The following PMS2 variants were observed in gnomAD, a reference collection of about 807,000 sequenced individuals.
PMS2 encodes PMS1 homolog 2, mismatch repair system component.
PMS2 carries 69 observed loss-of-function variants against 90.0 expected under a neutral mutation model. The ratio of observed to expected loss-of-function variants is 0.77; its 90% CI spans 0.63 to 0.94. The LOEUF is 0.94. Among genes scored for constraint, PMS2 ranks in the 40% least tolerant of loss-of-function variants. PMS2 has a pLI of 0.00. For missense variants in PMS2, 966 were observed against 1,040.2 expected (o/e 0.93, Z 0.98); for synonymous variants, 332 against 375.1 (o/e 0.89, Z 1.33).
intron 12 of PMS2, among the ~76,000 whole-genome samples, chr7:5,982,142 A>C (rs901495367): frequency 6.6e-6 from 1 of 151,570 alleles, no homozygotes; most frequent in African/African-American, 2.4e-5. Context: ...CAGTCTCCTG[A>C]GTAGCTGGAA....
chr7:6,006,385 C>G (rs921181229), intron 1 of PMS2, among the ~76,000 whole-genome samples: 1 of 152,174 alleles, frequency 6.6e-6, no homozygotes, highest in Non-Finnish European at 1.5e-5. Flanking sequence ...GCTGTGGTGG[C>G]TCATGCCTGT....
In PMS2 at chr7:5,978,858, G is replaced by A. The variant is rs180919098; in HGVS notation, c.2175-162C>T. On this transcript the variant is annotated intron_variant, in intron 12 of 14. Transcript: ENST00000265849. The stretch of plus-strand genomic sequence containing the variant: ...TAAGTGTCACAAAACTTCCTGAGAA[G>A]TTCCTTTTAATTTTCTCTTTCTTAA... Among the ~76,000 whole-genome samples the A allele has an allele frequency of 2.7e-5, 4 of 149,414 alleles. 1 individual carries two copies. Among genetic ancestry groups the A allele is most frequent in the Non-Finnish European group, 5.9e-5 (4 of 67,584 alleles).
rs779104357 is a variant in PMS2 at position 6,008,991 on chromosome 7, G to A, written c.23+6C>T. Reference sequence around the variant, plus strand: ...GGGACACCGGAAGACTGCGAGCCCCGCTCACCTCGAGCTCTCAGCTCGCTC... The same window carrying A: ...GGGACACCGGAAGACTGCGAGCCCCACTCACCTCGAGCTCTCAGCTCGCTC... On this transcript the variant is annotated splice_donor_region_variant and intron_variant, in intron 1 of 14. Transcript: ENST00000265849. The A allele has an allele frequency of 6.2e-7, 1 of 1,612,584 alleles. No homozygotes were observed. Among genetic ancestry groups the A allele is most frequent in the Non-Finnish European group, 8.5e-7 (1 of 1,179,798 alleles).
In PMS2 at chr7:5,987,635, A is replaced by G. The variant is rs1783194597; in HGVS notation, c.1145-15T>C. ...TATTAAGTTACCTAAGCAAACGTGG[A>G]CGGAGAAGAGGGTCAGGGACTATCC... On this transcript the variant is annotated splice_polypyrimidine_tract_variant and intron_variant, in intron 10 of 14. Transcript: ENST00000265849. 1 of 1,547,530 alleles carries G rather than the reference A, an allele frequency of 6.5e-7. No homozygotes were observed. The highest frequency in any genetic ancestry group is 1.7e-5 in the Admixed American group (1 of 59,866).
intron 5 of PMS2, among the ~76,000 whole-genome samples, chr7:6,000,422 T>G (rs1784968922): frequency 6.6e-6 from 1 of 151,650 alleles, no homozygotes; most frequent in South Asian, 2.1e-4. Flanking sequence ...CCACATACAA[T>G]TCTGTATTAC....
intron 5 of PMS2, among the ~76,000 whole-genome samples, chr7:6,000,734 T>A (rs1190280217): frequency 6.6e-6 from 1 of 152,190 alleles, no homozygotes; most frequent in Non-Finnish European, 1.5e-5. Context: ...CTCACACCTG[T>A]AATCCCAGCA....
intron 6 of PMS2, among the ~76,000 whole-genome samples, chr7:5,998,773 C>T (rs554787327): frequency 1.3e-5 from 2 of 150,868 alleles, no homozygotes; most frequent in Admixed American, 1.3e-4. Flanking sequence ...TGGTGGATCA[C>T]GAGGTCAGGA....
intron 2 of PMS2, among the ~76,000 whole-genome samples, chr7:6,004,645 G>A (rs547663308): frequency 2.0e-5 from 3 of 151,670 alleles, no homozygotes; most frequent in Admixed American, 6.6e-5. Flanking sequence ...AACCCAGGAG[G>A]TGGAGGTTGC....
At chr7:5,977,103 G>A (rs1781749218) in intron 14 of PMS2, among the ~76,000 whole-genome samples, 1 of 150,726 alleles carries the variant, frequency 6.6e-6, no homozygotes, top group South Asian at 2.1e-4. Context: ...CGCCCAGGTT[G>A]GAGTGCAGTG....
chr7:6,002,278 AG>A, intron 5 of PMS2, 174 bp downstream of exon 5: 2 of 604,138 alleles, frequency 3.3e-6, no homozygotes, highest in Non-Finnish European at 5.8e-6. Flanking sequence ...AAAAGAAAAA[AG>A]TAAATCATCC....
chr7:5,997,555 T>C (rs1784568000), intron 6 of PMS2, 132 bp from the exon 7 acceptor site: 1 of 667,126 alleles, frequency 1.5e-6, no homozygotes, highest in African/African-American at 1.8e-5. Flanking sequence ...TGTTTTGTTT[T>C]GTTTTTTGAG....
At chr7:6,004,843 A>G (rs376136391) in intron 2 of PMS2, among the ~76,000 whole-genome samples, 16 of 152,310 alleles carry the variant, frequency 1.1e-4, no homozygotes, top group African/African-American at 3.8e-4. Context: ...ATAGAGAATA[A>G]TAAGTTCTAT....
In PMS2 at chr7:5,988,052, C is replaced by CA. The variant is rs10543125; in HGVS notation, c.1145-433dup. The stretch of plus-strand genomic sequence containing the variant: ...TGGGTGACAGAGCAACACTCTGTCT[C>CA]AAAAAAAAAAAAAAAAAAAAAAAAA... On this transcript the variant is annotated intron_variant, in intron 10 of 14. Transcript: ENST00000265849. Among the ~76,000 whole-genome samples the CA allele has an allele frequency of 2.3e-3, 93 of 41,124 alleles. 4 individuals carry two copies. Among genetic ancestry groups the CA allele is most frequent in the East Asian group, 9.2e-3 (10 of 1,084 alleles). The allele number at this position is 41,124 out of a possible 152,430, so 27.0% of individuals were successfully genotyped here. A position where few individuals can be genotyped will look rare whatever the true frequency, so the allele number is the denominator to read the frequency against.
intron 7 of PMS2, among the ~76,000 whole-genome samples, chr7:5,995,856 C>G (rs940764282): frequency 6.6e-6 from 1 of 152,178 alleles, no homozygotes; most frequent in African/African-American, 2.4e-5. Flanking sequence ...AACCAATGCA[C>G]CACAGGTGAT....
Position 5,973,340 on chromosome 7 carries a change from C to CT in PMS2, c.*58dup, listed in dbSNP as rs765738606. ...AAAACAAAAAAGGTTAGTGAAGACT[C>CT]TGTCTTTCAAAACATAAAAATCTGC... On this transcript the variant is annotated 3_prime_UTR_variant, in exon 15 of 15. Transcript: ENST00000265849. The CT allele has an allele frequency of 8.5e-6, 11 of 1,293,468 alleles. 1 individual carries two copies. In the African/African-American group the frequency reaches 1.4e-4, roughly 17 times the overall value. The allele number at this position is 1,293,468 out of a possible 1,614,324, so 80.1% of individuals were successfully genotyped here. A position where few individuals can be genotyped will look rare whatever the true frequency, so the allele number is the denominator to read the frequency against.
chr7:6,003,461 G>A, intron 4 of PMS2: 1 of 537,798 alleles, frequency 1.9e-6, no homozygotes, highest in Non-Finnish European at 3.3e-6. Context: ...GAGAATTACT[G>A]TTTTAATAAG....
intron 5 of PMS2, among the ~76,000 whole-genome samples, chr7:5,999,984 G>A (rs1350980770): frequency 1.3e-5 from 2 of 152,122 alleles, no homozygotes; most frequent in Non-Finnish European, 2.9e-5. Context: ...TCATTGAGGA[G>A]TTGATTAATT....
Position 5,999,105 on chromosome 7 carries a change from T to C in PMS2, c.705+3A>G, listed in dbSNP as rs764334813. The C allele has an allele frequency of 1.1e-5, 18 of 1,613,924 alleles. No homozygotes were observed. The South Asian group carries it at 1.9e-4, about 17-fold the overall frequency. On this transcript the variant is annotated splice_donor_region_variant and intron_variant, in intron 6 of 14. Transcript: ENST00000265849. ...AGGCGTTGAAGTAACCGGCCATCAC[T>C]ACCTGCTTCTGCCCAAACACAGAGC... is the stretch of plus-strand genomic sequence containing the variant.
At position 5,982,859 on chromosome 7, in the gene PMS2, C is replaced by T. The variant is rs2128702808; in HGVS notation, c.2139G>A (p.Gln713=). The change falls in exon 12 of 15, where the codon CAG becomes CAA. Residue 713 remains glutamine (Q), a synonymous_variant. Transcript: ENST00000265849. ...TDEKYNFEML[Q]QHTVLQGQRL... is the part of the protein sequence containing the mutation. ...TCTGCCCCTGGAGCACGGTGTGCTG[C>T]TGCAGCATCTCGAAGTTATACTTCT... 6.2e-7 allele frequency: 1 copy of T among 1,608,704 alleles called. No homozygotes were observed. The highest frequency in any genetic ancestry group is 8.5e-7 in the Non-Finnish European group (1 of 1,178,014).
Sources: gnomAD v4.1 joint callset for allele counts (sites outside exome capture counted in the v4.1 genomes callset) on GRCh38, gnomAD v4.1.1 for gene constraint, MANE v1.5 for transcripts, NCBI Gene and HGNC (gene_info 2026-07-23, HGNC 2026-07-21) for gene names.